GALNT13: variants seen among roughly 807,000 people sequenced by gnomAD.
GALNT13 encodes UDP-GalNAc:polypeptide N-acetylgalactosaminyltransferase 13.
In GALNT13, 28 loss-of-function variants were observed where a neutral mutation model predicts 64.2. The ratio of observed to expected loss-of-function variants is 0.44; its 90% CI spans 0.32 to 0.60. The LOEUF (loss-of-function observed/expected upper bound fraction) is 0.60, where lower values mean the gene tolerates loss of function less well. Ranked by LOEUF, GALNT13 falls within the 20% of genes least tolerant of loss-of-function variation. GALNT13 has a pLI of 0.05. For synonymous variants in GALNT13, 214 were observed against 224.6 expected (o/e 0.95, Z 0.42); for missense variants, 577 against 669.8 (o/e 0.86, Z 1.53).
intron 8 of GALNT13, among the ~76,000 whole-genome samples, chr2:154,290,155 G>T (rs1345081444): frequency 6.6e-6 from 1 of 152,154 alleles, no homozygotes; most frequent in Non-Finnish European, 1.5e-5. Flanking sequence ...GGAAAAATAT[G>T]CAGGGAGAGC....
downstream of GALNT13, chr2:154,454,554 T>C (rs1308313284): frequency 1.3e-5 from 2 of 152,010 alleles, no homozygotes; most frequent in Non-Finnish European, 2.9e-5. Flanking sequence ...TTCCAACTAC[T>C]TGGGAGGCTG....
At chr2:154,408,490 A>G (rs1354393681) in intron 10 of GALNT13, among the ~76,000 whole-genome samples, 2 of 152,094 alleles carry the variant, frequency 1.3e-5, no homozygotes, top group African/African-American at 4.8e-5. Flanking sequence ...AAACAGTGTA[A>G]TCTTTATTAA....
At chr2:153,690,083 A>G in the GALNT13 span, among the ~76,000 whole-genome samples, 2 of 152,056 alleles carry the variant, frequency 1.3e-5, no homozygotes, top group Admixed American at 6.6e-5. Flanking sequence ...AAAGCTATCT[A>G]TTGAATCTTT....
At chr2:154,433,413 G>T (rs1700791989) in intron 11 of GALNT13, among the ~76,000 whole-genome samples, 1 of 152,100 alleles carries the variant, frequency 6.6e-6, no homozygotes. Flanking sequence ...TCTCTGGCAG[G>T]CCAGAGAACA....
the GALNT13 span, among the ~76,000 whole-genome samples, chr2:153,661,595 A>G: frequency 1.2e-3 from 190 of 152,266 alleles, 1 homozygote; most frequent in Non-Finnish European, 2.1e-3. Flanking sequence ...GAATTATTCT[A>G]TGTTATTTTC....
chr2:154,155,513 C>A (rs1466156765), intron 4 of GALNT13, among the ~76,000 whole-genome samples: 1 of 151,952 alleles, frequency 6.6e-6, no homozygotes, highest in Non-Finnish European at 1.5e-5. Flanking sequence ...ATACCAGTTT[C>A]TTAAGGGAAG....
chr2:154,003,393 T>A (rs1214154862), intron 3 of GALNT13, among the ~76,000 whole-genome samples: 2 of 152,148 alleles, frequency 1.3e-5, no homozygotes, highest in African/African-American at 4.8e-5. Flanking sequence ...ACGTGGGCGT[T>A]TACCAGCTGT....
rs150097809 is a variant in GALNT13 at position 154,218,685 on chromosome 2, T to C, written c.312-23345T>C. 2.6e-5 allele frequency among the ~76,000 whole-genome samples: 4 copies of C among 152,214 alleles called. No homozygotes were observed. In the East Asian group the frequency reaches 7.7e-4, roughly 29 times the overall value. ...ACTAAGCCTCCATCAAATCACTTTA[T>C]CTTGAATCTTAGCCATATTTTCTCA... On this transcript the variant is annotated intron_variant, in intron 4 of 12. Coordinates refer to ENST00000392825, the MANE Select transcript of GALNT13 (RefSeq NM_052917.4).
chr2:154,053,942 A>G (rs1699773953), intron 3 of GALNT13, among the ~76,000 whole-genome samples: 1 of 152,066 alleles, frequency 6.6e-6, no homozygotes, highest in Non-Finnish European at 1.5e-5. Context: ...TTTTCCTATT[A>G]TTTTATCTAC....
chr2:153,319,197 A>C, the GALNT13 span, among the ~76,000 whole-genome samples: 1 of 152,226 alleles, frequency 6.6e-6, no homozygotes, highest in South Asian at 2.1e-4. Flanking sequence ...AATATATTAC[A>C]GCCTTATTGT....
At chr2:154,098,356 C>T (rs570102893) in intron 3 of GALNT13, among the ~76,000 whole-genome samples, 10 of 151,412 alleles carry the variant, frequency 6.6e-5, no homozygotes, top group African/African-American at 9.7e-5. Context: ...TTTTTTTCTT[C>T]GTACTCTTTT....
intron 8 of GALNT13, among the ~76,000 whole-genome samples, chr2:154,289,395 G>A (rs773791723): frequency 4.6e-5 from 7 of 152,134 alleles, no homozygotes; most frequent in East Asian, 1.9e-4. Context: ...TAAAGGAAAC[G>A]GGTTTAATTG....
chr2:153,535,345 G>C, the GALNT13 span, among the ~76,000 whole-genome samples: 2 of 152,298 alleles, frequency 1.3e-5, no homozygotes, highest in South Asian at 2.1e-4. Flanking sequence ...TGCCAGCAAA[G>C]ATTATTTATT....
chr2:154,154,217 C>T (rs959271782), intron 4 of GALNT13, among the ~76,000 whole-genome samples: 8 of 151,458 alleles, frequency 5.3e-5, no homozygotes, highest in African/African-American at 1.9e-4. Context: ...TAGTTTTTTC[C>T]AAAAAAATAA....
At chr2:153,709,693 A>G in the GALNT13 span, among the ~76,000 whole-genome samples, 1 of 152,056 alleles carries the variant, frequency 6.6e-6, no homozygotes, top group Non-Finnish European at 1.5e-5. Context: ...CTGCACTCCT[A>G]TGTTCATTGC....
chr2:153,559,978 A>G, the GALNT13 span, among the ~76,000 whole-genome samples: 1 of 152,086 alleles, frequency 6.6e-6, no homozygotes, highest in Non-Finnish European at 1.5e-5. Flanking sequence ...ACTATATCAG[A>G]TGTTTCAACG....
chr2:153,383,477 G>T, the GALNT13 span, among the ~76,000 whole-genome samples: 1 of 152,138 alleles, frequency 6.6e-6, no homozygotes, highest in South Asian at 2.1e-4. Flanking sequence ...GAATCAGACT[G>T]AAAGTTGTTT....
At chr2:153,215,144 T>G in the GALNT13 span, among the ~76,000 whole-genome samples, 1 of 152,116 alleles carries the variant, frequency 6.6e-6, no homozygotes, top group Non-Finnish European at 1.5e-5. Flanking sequence ...ATTAATTGAT[T>G]CATATAATTT....
At chr2:154,169,105 TC>T (rs769162002) in intron 4 of GALNT13, among the ~76,000 whole-genome samples, 3 of 151,712 alleles carry the variant, frequency 2.0e-5, no homozygotes, top group Non-Finnish European at 4.4e-5. Flanking sequence ...ACTGCAACAC[TC>T]CCTCACTCCC....
Sources: gnomAD v4.1 joint callset for allele counts (sites outside exome capture counted in the v4.1 genomes callset) on GRCh38, gnomAD v4.1.1 for gene constraint, MANE v1.5 for transcripts, NCBI Gene and HGNC (gene_info 2026-07-23, HGNC 2026-07-21) for gene names.